EML2: variants seen among roughly 807,000 people sequenced by gnomAD.
EML2 encodes the protein EMAP like 2.
In EML2, 59 loss-of-function variants were observed where a neutral mutation model predicts 84.7. That is an observed-to-expected ratio of 0.70 (90% CI 0.56 to 0.86). The LOEUF is 0.86. Among genes scored for constraint, EML2 ranks in the 40% least tolerant of loss-of-function variants. The probability of loss-of-function intolerance (pLI) is 0.00; values close to 1 mark genes in which losing one functional copy is unlikely to be tolerated. For synonymous variants in EML2, 352 were observed against 348.9 expected, an observed-to-expected ratio of 1.01 and a Z score of -0.10; for missense variants, 818 against 855.6, an observed-to-expected ratio of 0.96 and a Z score of 0.55.
At chr19:45,642,383 C>T (rs776487287), upstream of EML2, 2 of 1,523,366 alleles carry the variant, frequency 1.3e-6, no homozygotes, top group South Asian at 1.2e-5. Context: ...GGCTGCAGGG[C>T]CACCCAGGAG....
At chr19:45,623,042 G>A (rs562568143) in intron 9 of EML2, among the ~76,000 whole-genome samples, 5 of 141,016 alleles carry the variant, frequency 3.5e-5, no homozygotes, top group South Asian at 4.6e-4. Context: ...GCGAGACTCC[G>A]TCTCAAAAAA....
chr19:45,615,439 A>G (rs1600081913), intron 16 of EML2, among the ~76,000 whole-genome samples: 1 of 151,232 alleles, frequency 6.6e-6, no homozygotes, highest in African/African-American at 2.4e-5. Flanking sequence ...AATCACTTGA[A>G]CCTGGGAGGC....
intron 14 of EML2, 27 bp downstream of exon 14, chr19:45,616,738 C>CTTGGG: frequency 6.2e-7 from 1 of 1,604,778 alleles, no homozygotes; most frequent in Non-Finnish European, 8.5e-7. Context: ...GGCCCTGCCG[C>CTTGGG]TTGGGTGTCC....
At chr19:45,621,674 G>A (rs754513929) in intron 9 of EML2, 37 bp from the exon 10 acceptor site, 1 of 1,594,716 alleles carries the variant, frequency 6.3e-7, no homozygotes, top group Non-Finnish European at 8.5e-7. Context: ...ACAGGGAGAA[G>A]CCACCCCTAT....
intron 6 of EML2, chr19:45,632,642 C>T (rs911841733): frequency 3.6e-6 from 2 of 549,304 alleles, no homozygotes; most frequent in East Asian, 6.3e-5. Flanking sequence ...ACCAGCTGGG[C>T]CCTAGGCACT....
At chr19:45,639,088 A>G in intron 1 of EML2, 1 of 731,368 alleles carries the variant, frequency 1.4e-6, no homozygotes. Flanking sequence ...ATCGCCAAAG[A>G]TCACACAGCA....
rs540965540 is a variant in EML2 at position 45,622,908 on chromosome 19, G to A, written c.842-1271C>T. Among the ~76,000 whole-genome samples, 12 of 151,536 alleles carry A rather than the reference G, an allele frequency of 7.9e-5. No homozygotes were observed. In the East Asian group the frequency reaches 2.2e-3, roughly 27 times the overall value. ...TAAAAAAATACAAAAAATTAGCCGG[G>A]AGTGGTGATGGGCACCTGTAGTCCC... On this transcript the variant is annotated intron_variant, in intron 9 of 18. Transcript: ENST00000245925.
intron 3 of EML2, among the ~76,000 whole-genome samples, chr19:45,634,713 C>T (rs1973517552): frequency 6.6e-6 from 1 of 151,968 alleles, no homozygotes; most frequent in African/African-American, 2.4e-5. Flanking sequence ...AGGCGCCCGC[C>T]ACCATGCCCG....
chr19:45,618,745 G>C (rs185628911), intron 12 of EML2: 422 of 158,358 alleles, frequency 2.7e-3, no homozygotes, highest in African/African-American at 9.5e-3. Context: ...TCAGGAGTTC[G>C]AGACCAGCCT....
chr19:45,616,029 C>T (rs1303263281), intron 15 of EML2, 140 bp from the exon 16 acceptor site: 1 of 679,048 alleles, frequency 1.5e-6, no homozygotes, highest in Non-Finnish European at 2.6e-6. Flanking sequence ...GATACACAGG[C>T]CTTTGGAGTA....
chr19:45,624,665 C>A, intron 9 of EML2, 54 bp downstream of exon 9: 1 of 1,370,406 alleles, frequency 7.3e-7, no homozygotes, highest in Non-Finnish European at 1.0e-6. Flanking sequence ...GAGGCAGAGC[C>A]AGGAGTGTTT....
chr19:45,611,129 G>A (rs1375546932), intron 18 of EML2, among the ~76,000 whole-genome samples: 2 of 152,120 alleles, frequency 1.3e-5, no homozygotes, highest in African/African-American at 2.4e-5. Context: ...AATTAATGTT[G>A]CTGGGCGTGG....
intron 7 of EML2, among the ~76,000 whole-genome samples, chr19:45,627,585 C>G (rs1972522244): frequency 1.3e-5 from 2 of 152,154 alleles, no homozygotes; most frequent in South Asian, 4.2e-4. Flanking sequence ...AATTAAAGTA[C>G]AGGAAGCAGG....
upstream of EML2, among the ~76,000 whole-genome samples, chr19:45,644,146 G>A (rs1974852579): frequency 6.6e-6 from 1 of 152,140 alleles, no homozygotes; most frequent in Non-Finnish European, 1.5e-5. Context: ...GCACGTTCCC[G>A]GCTCATGTTG....
chr19:45,632,870 G>T lies in EML2; in HGVS notation c.501C>A (p.Phe167Leu). The T allele has an allele frequency of 6.2e-7, 1 of 1,614,032 alleles. No homozygotes were observed. The highest frequency in any genetic ancestry group is 2.2e-5 in the East Asian group (1 of 44,872). ...TGGGCGAAGGACTTACAGATTTGGA[G>T]AAGCCCACACAGCACACGGCTCTGT... is the stretch of plus-strand genomic sequence containing the variant. The part of the protein sequence containing the change: ...VFDRAVCCVG[F>L]SKSNGGNLLC... The change falls in exon 6 of 19, where the codon TTC becomes TTA. Residue 167 changes from phenylalanine (F) to leucine (L), a missense_variant. Phe to Leu is a conservative substitution (Grantham distance 22). Transcript: ENST00000245925.
intron 17 of EML2, among the ~76,000 whole-genome samples, 198 bp downstream of exon 17, chr19:45,614,407 G>A (rs1211351613): frequency 6.8e-6 from 1 of 148,044 alleles, no homozygotes; most frequent in African/African-American, 2.5e-5. Flanking sequence ...CAGTTACCAC[G>A]CCCATTTGGT....
intron 9 of EML2, among the ~76,000 whole-genome samples, 157 bp from the exon 10 acceptor site, chr19:45,621,794 G>A (rs1011037293): frequency 6.6e-6 from 1 of 151,596 alleles, no homozygotes; most frequent in Non-Finnish European, 1.5e-5. Context: ...GCCCAGGCTG[G>A]AGTGCACTGG....
intron 11 of EML2, among the ~76,000 whole-genome samples, chr19:45,619,825 C>A (rs1175543979): frequency 6.6e-6 from 1 of 152,084 alleles, no homozygotes; most frequent in Non-Finnish European, 1.5e-5. Flanking sequence ...GAGGCTGAGG[C>A]AGGAAGATTG....
Position 45,629,873 on chromosome 19 carries a change from T to C in EML2, c.606+78A>G. 3 of 1,160,524 alleles carry C rather than the reference T, an allele frequency of 2.6e-6. No homozygotes were observed. In the Admixed American group the frequency reaches 5.1e-5, roughly 20 times the overall value. 71.9% of individuals were successfully genotyped at this position (1,160,524 alleles called of 1,614,324 possible). A position where few individuals can be genotyped will look rare whatever the true frequency, so the allele number is the denominator to read the frequency against. ...AGGGCTTAAACACGGGTCTATCTGATTGCAGACTCCTAACCACTGAGATTG... is the reference window on the plus strand; with the variant it reads ...AGGGCTTAAACACGGGTCTATCTGACTGCAGACTCCTAACCACTGAGATTG... On this transcript the variant is annotated intron_variant, in intron 7 of 18. Coordinates refer to ENST00000245925, the MANE Select transcript of EML2 (RefSeq NM_012155.4).
Sources: allele counts gnomAD v4.1 joint callset (sites outside exome capture counted in the v4.1 genomes callset), GRCh38; gene constraint gnomAD v4.1.1; transcripts MANE v1.5; gene names NCBI Gene and HGNC (gene_info 2026-07-23, HGNC 2026-07-21).